Variants in KTN1 observed in about 807,000 individuals in gnomAD.
KTN1 encodes the protein kinectin 1.
KTN1 carries 130 observed loss-of-function variants against 222.5 expected under a neutral mutation model. The ratio of observed to expected loss-of-function variants is 0.58; its 90% CI spans 0.51 to 0.68. The LOEUF (loss-of-function observed/expected upper bound fraction) is 0.68, where lower values mean the gene tolerates loss of function less well. KTN1 is among the 30% of genes least tolerant of loss of function. The pLI is 0.00. For missense variants in KTN1, 1,508 were observed against 1,500.4 expected (o/e 1.01, Z -0.08); for synonymous variants, 512 against 496.3 (o/e 1.03, Z -0.42).
intron 38 of KTN1, 43 bp downstream of exon 38, chr14:55,672,744 T>G (rs559962761): frequency 1.5e-6 from 2 of 1,350,666 alleles, no homozygotes; most frequent in Non-Finnish European, 1.1e-6. Flanking sequence ...TGGATTTGTT[T>G]TTAGCATTAA....
intron 5 of KTN1, among the ~76,000 whole-genome samples, chr14:55,620,468 C>T (rs996182378): frequency 6.6e-6 from 1 of 152,234 alleles, no homozygotes; most frequent in Non-Finnish European, 1.5e-5. Flanking sequence ...GGGCCCCACC[C>T]CTGTGGCAAA....
intron 34 of KTN1, 43 bp from the exon 35 acceptor site, chr14:55,670,686 T>G (rs757208560): frequency 2.2e-6 from 3 of 1,390,694 alleles, no homozygotes; most frequent in Non-Finnish European, 3.0e-6. Context: ...TTGGATTTTT[T>G]TTTTCTTTGG....
chr14:55,580,514 T>G (rs533420853), intron 1 of KTN1, among the ~76,000 whole-genome samples, 160 bp downstream of exon 1: 7 of 148,968 alleles, frequency 4.7e-5, no homozygotes, highest in African/African-American at 1.7e-4. Flanking sequence ...GCCTCGGGCA[T>G]CCGGTTGCCG....
Position 55,670,640 on chromosome 14 carries a change from C to T in KTN1, c.3268-89C>T, listed in dbSNP as rs2045357048. ...CTGTGTAGGTTTCTTTTATAATTAT[C>T]TAATTTGGTTATTTTAAATGTTTCA... On this transcript the variant is annotated intron_variant, in intron 34 of 43. Transcript: ENST00000395314. 1.5e-5 allele frequency: 12 copies of T among 825,502 alleles called. No individual in the cohort carries two copies. The South Asian group carries it at 2.3e-4, about 15-fold the overall frequency. 51.1% of individuals were successfully genotyped at this position (825,502 alleles called of 1,614,324 possible).
At chr14:55,599,757 G>C (rs1253534995) in intron 1 of KTN1, among the ~76,000 whole-genome samples, 1 of 152,060 alleles carries the variant, frequency 6.6e-6, no homozygotes, top group African/African-American at 2.4e-5. Flanking sequence ...TGGTAGGAAG[G>C]GGGCAGTAGG....
At chr14:55,619,379 T>G in intron 5 of KTN1, 67 bp downstream of exon 5, 1 of 1,480,120 alleles carries the variant, frequency 6.8e-7, no homozygotes, top group South Asian at 1.2e-5. Flanking sequence ...AACAAGACTT[T>G]AGCCAGAGCA....
chr14:55,679,297 T>G (rs1311176091), intron 42 of KTN1: 5 of 327,008 alleles, frequency 1.5e-5, no homozygotes, highest in Non-Finnish European at 2.2e-5. Flanking sequence ...TGGATATATT[T>G]CTGATATTCA....
At position 55,671,780 on chromosome 14, in the gene KTN1, T is replaced by C. The variant is rs566573439; in HGVS notation, c.3439-5T>C. On this transcript the variant is annotated splice_polypyrimidine_tract_variant and splice_region_variant and intron_variant, in intron 36 of 43. Coordinates refer to ENST00000395314, the MANE Select transcript of KTN1 (RefSeq NM_001079521.2). Reference sequence around the variant, plus strand: ...TTTTCAAAACAACTATGCTTTTGTCTGTAGGAAGGAATTTTACAGAAGCTA... The same window carrying C: ...TTTTCAAAACAACTATGCTTTTGTCCGTAGGAAGGAATTTTACAGAAGCTA... 1.4e-5 allele frequency: 22 copies of C among 1,603,206 alleles called. No homozygotes were observed. The highest frequency in any genetic ancestry group is 1.9e-5 in the Non-Finnish European group (22 of 1,170,760).
At position 55,641,680 on chromosome 14, in the gene KTN1, T is replaced by A. The variant is rs768879851; in HGVS notation, c.2104-12T>A. 2.6e-6 allele frequency: 4 copies of A among 1,538,894 alleles called. No individual in the cohort carries two copies. The South Asian group carries it at 4.5e-5, about 17-fold the overall frequency. On this transcript the variant is annotated splice_polypyrimidine_tract_variant and intron_variant, in intron 17 of 43. Coordinates refer to ENST00000395314, the MANE Select transcript of KTN1 (RefSeq NM_001079521.2). ...TCTTAATAAAACAGTAAATTGAGACTCTTTCTTCCAGATTCTAAATGACCA... is the reference window on the plus strand; with the variant it reads ...TCTTAATAAAACAGTAAATTGAGACACTTTCTTCCAGATTCTAAATGACCA...
intron 6 of KTN1, 120 bp downstream of exon 6, chr14:55,628,148 T>TTA: frequency 1.5e-6 from 1 of 647,214 alleles, no homozygotes; most frequent in South Asian, 1.9e-5. Flanking sequence ...AAAAGTAACT[T>TTA]TCCTTTAGAG....
At chr14:55,590,505 C>T (rs1232370101) in intron 1 of KTN1, among the ~76,000 whole-genome samples, 2 of 151,942 alleles carry the variant, frequency 1.3e-5, no homozygotes, top group Non-Finnish European at 2.9e-5. Flanking sequence ...TTCTTTATGT[C>T]CCTTCCCACA....
intron 33 of KTN1, 49 bp from the exon 34 acceptor site, chr14:55,667,192 A>G (rs754772390): frequency 9.5e-6 from 11 of 1,153,914 alleles, no homozygotes; most frequent in Non-Finnish European, 6.3e-6. Flanking sequence ...CTTTTTTTAA[A>G]AACATTCTGT....
intron 6 of KTN1, among the ~76,000 whole-genome samples, chr14:55,629,477 G>A (rs2040264379): frequency 6.8e-6 from 1 of 147,668 alleles, no homozygotes; most frequent in Non-Finnish European, 1.5e-5. Context: ...TTTGCTTTCT[G>A]AATTTGCTTT....
At chr14:55,672,036 A>G in intron 37 of KTN1, 159 bp downstream of exon 37, 2 of 594,856 alleles carry the variant, frequency 3.4e-6, no homozygotes, top group Non-Finnish European at 6.1e-6. Context: ...TGAGCCCTCC[A>G]GAATAGTCTA....
chr14:55,602,870 G>A (rs983194408), intron 1 of KTN1, among the ~76,000 whole-genome samples: 2 of 152,130 alleles, frequency 1.3e-5, no homozygotes, highest in African/African-American at 4.8e-5. Flanking sequence ...ATGAGCCACC[G>A]TGCCTGGCCA....
intron 12 of KTN1, 104 bp downstream of exon 12, chr14:55,637,951 T>C: frequency 1.3e-6 from 1 of 777,902 alleles, no homozygotes; most frequent in Admixed American, 2.2e-5. Flanking sequence ...GCTGGGAGAC[T>C]AGTCAATGAA....
intron 1 of KTN1, 113 bp downstream of exon 1, chr14:55,580,467 G>T (rs1484497837): frequency 1.4e-5 from 2 of 146,828 alleles, no homozygotes; most frequent in African/African-American, 4.9e-5. Context: ...GGGCGGGGGG[G>T]CGCGGCCGCG....
intron 1 of KTN1, among the ~76,000 whole-genome samples, chr14:55,603,437 T>G (rs1050781861): frequency 3.3e-5 from 5 of 152,234 alleles, no homozygotes; most frequent in African/African-American, 1.2e-4. Context: ...CTAGTTTTCA[T>G]TGTATTTTAC....
At chr14:55,680,801 A>C in intron 43 of KTN1, 4 of 878,098 alleles carry the variant, frequency 4.6e-6, no homozygotes, top group Non-Finnish European at 6.9e-6. Context: ...TCAACATATC[A>C]ACAAAAGTAA....
Sources: allele counts gnomAD v4.1 joint callset (sites outside exome capture counted in the v4.1 genomes callset), GRCh38; gene constraint gnomAD v4.1.1; transcripts MANE v1.5; gene names NCBI Gene and HGNC (gene_info 2026-07-23, HGNC 2026-07-21).